The following SMU1 variants were observed in gnomAD, a reference collection of about 807,000 sequenced individuals.
SMU1 encodes SMU1 DNA replication regulator and spliceosomal factor, also known as WD40 repeat-containing protein SMU1.
A neutral mutation model predicts 62.0 loss-of-function variants in SMU1; 2 were observed. The ratio of observed to expected loss-of-function variants is 0.03; its 90% CI spans 0.01 to 0.10. The LOEUF (loss-of-function observed/expected upper bound fraction) is 0.10, where lower values mean the gene tolerates loss of function less well. Ranked by LOEUF, SMU1 falls within the 10% of genes least tolerant of loss-of-function variation. SMU1 has a pLI of 1.00. For missense variants in SMU1, 227 were observed against 622.1 expected, an observed-to-expected ratio of 0.36 and a Z score of 6.76; for synonymous variants, 188 against 212.4, an observed-to-expected ratio of 0.89 and a Z score of 1.00.
intron 9 of SMU1, among the ~76,000 whole-genome samples, chr9:33,055,449 A>C (rs1337468388): frequency 2.6e-5 from 4 of 151,968 alleles, no homozygotes; most frequent in Non-Finnish European, 5.9e-5. Context: ...CACTCATATA[A>C]GACAATTCAA....
At chr9:33,053,040 T>C (rs1258048801) in intron 10 of SMU1, 83 bp downstream of exon 10, 15 of 1,312,046 alleles carry the variant, frequency 1.1e-5, no homozygotes, top group Non-Finnish European at 1.5e-5. Context: ...AATTTGGTTA[T>C]TGGGAGGGTG....
Position 33,046,242 on chromosome 9 carries a change from G to C in SMU1, c.*1051C>G, listed in dbSNP as rs1193286383. On this transcript the variant is annotated 3_prime_UTR_variant, in exon 12 of 12. Coordinates refer to ENST00000397149, the MANE Select transcript of SMU1 (RefSeq NM_018225.3). Reference sequence around the variant, plus strand: ...CAAACCTTCTCCTACAACATACAAAGGGGAGATGCCAAAACTCTGAATTCT... The same window carrying C: ...CAAACCTTCTCCTACAACATACAAACGGGAGATGCCAAAACTCTGAATTCT... 1 of 152,146 alleles carries C rather than the reference G, an allele frequency of 6.6e-6. No individual in the cohort carries two copies. Among genetic ancestry groups the C allele is most frequent in the Non-Finnish European group, 1.5e-5 (1 of 68,028 alleles). 9.4% of individuals were successfully genotyped at this position (152,146 alleles called of 1,614,324 possible).
intron 10 of SMU1, among the ~76,000 whole-genome samples, chr9:33,050,524 C>CT (rs904909388): frequency 7.7e-6 from 1 of 130,250 alleles, no homozygotes; most frequent in Non-Finnish European, 1.6e-5. Flanking sequence ...TTATTAAGCA[C>CT]TTAAAAAAAA....
In SMU1 at chr9:33,076,639, T is replaced by G. The variant is rs1165566623; in HGVS notation, c.-31A>C. On this transcript the variant is annotated 5_prime_UTR_variant, in exon 1 of 12. Coordinates refer to ENST00000397149, the MANE Select transcript of SMU1 (RefSeq NM_018225.3). ...TATCTCTCCGGGAGCAGGCCCCAGC[T>G]CTCCCTCAAGGCCAGTCGCGCAACA... 4 of 1,613,464 alleles carry G rather than the reference T, an allele frequency of 2.5e-6. No homozygotes were observed. The African/African-American group carries it at 4.0e-5, about 16-fold the overall frequency.
At chr9:33,060,375 T>G (rs759384469) in intron 6 of SMU1, 90 bp downstream of exon 6, 96 of 1,165,018 alleles carry the variant, frequency 8.2e-5, no homozygotes, top group Non-Finnish European at 1.1e-4. Context: ...CAGATCCTTT[T>G]TCAACTAATC....
chr9:33,064,784 C>A (rs1347148316), intron 4 of SMU1, among the ~76,000 whole-genome samples: 1 of 151,728 alleles, frequency 6.6e-6, no homozygotes, highest in African/African-American at 2.4e-5. Flanking sequence ...ACTCTGTCAC[C>A]CAGGCTGGAG....
intron 10 of SMU1, among the ~76,000 whole-genome samples, chr9:33,049,819 T>C (rs1451845534): frequency 6.6e-6 from 1 of 151,270 alleles, no homozygotes; most frequent in East Asian, 1.9e-4. Context: ...GTGCCTGTAG[T>C]CCCAGCCACT....
Position 33,058,894 on chromosome 9 carries a change from C to A in SMU1, c.751-1180G>T, listed in dbSNP as rs1019231396. Reference sequence around the variant, plus strand: ...ATTTGTAATGTATATTATAAAACTTCATTTCCTTAAAATATAAAGAGCTCC... The same window carrying A: ...ATTTGTAATGTATATTATAAAACTTAATTTCCTTAAAATATAAAGAGCTCC... On this transcript the variant is annotated intron_variant, in intron 6 of 11. Transcript: ENST00000397149. 5.9e-4 allele frequency among the ~76,000 whole-genome samples: 90 copies of A among 152,154 alleles called. 1 individual carries two copies. Among genetic ancestry groups the A allele is most frequent in the African/African-American group, 2.0e-3 (84 of 41,528 alleles).
chr9:33,065,603 A>C (rs894011682), intron 4 of SMU1, among the ~76,000 whole-genome samples: 9 of 152,240 alleles, frequency 5.9e-5, no homozygotes, highest in Non-Finnish European at 1.3e-4. Flanking sequence ...AGGGGAAGCC[A>C]CAAGAAGCAA....
At chr9:33,069,042 G>C in intron 3 of SMU1, 108 bp from the exon 4 acceptor site, 1 of 1,401,116 alleles carries the variant, frequency 7.1e-7, no homozygotes, top group Non-Finnish European at 9.4e-7. Flanking sequence ...AATGTGAAAA[G>C]AAATTACCCA....
At position 33,046,583 on chromosome 9, in the gene SMU1, T is replaced by TAAAAAA. The variant is rs138890798; in HGVS notation, c.*704_*709dup. The TAAAAAA allele has an allele frequency of 7.6e-6, 1 of 131,310 alleles. No homozygotes were observed. The highest frequency in any genetic ancestry group is 7.8e-5 in the Admixed American group (1 of 12,746). The allele number at this position is 131,310 out of a possible 1,614,324, so 8.1% of individuals were successfully genotyped here. A position where few individuals can be genotyped will look rare whatever the true frequency, so the allele number is the denominator to read the frequency against. On this transcript the variant is annotated 3_prime_UTR_variant, in exon 12 of 12. Transcript: ENST00000397149. ...AAGGTATAAAGTTTATTAACATCTT[T>TAAAAAA]AAAAAAAAAAAAAAAAAAAAAGATG...
chr9:33,070,817 C>T (rs924660537), intron 3 of SMU1, among the ~76,000 whole-genome samples: 3 of 151,828 alleles, frequency 2.0e-5, no homozygotes, highest in African/African-American at 7.3e-5. Flanking sequence ...TTTGCAGGAA[C>T]TAAAAATTAA....
chr9:33,057,528 T>C (rs959381228), intron 7 of SMU1, 70 bp downstream of exon 7: 21 of 1,558,980 alleles, frequency 1.3e-5, no homozygotes, highest in Middle Eastern at 2.3e-4. Context: ...GAATATCATA[T>C]GTAGGACACT....
chr9:33,067,688 G>A (rs77151753), intron 4 of SMU1, among the ~76,000 whole-genome samples: 6,112 of 151,696 alleles, frequency 0.04, 189 homozygotes, highest in East Asian at 0.13. Context: ...TAGTAGAGAC[G>A]GGGTTTCACC....
chr9:33,060,978 GA>G (rs1839355341), intron 5 of SMU1, among the ~76,000 whole-genome samples: 1 of 152,214 alleles, frequency 6.6e-6, no homozygotes, highest in African/African-American at 2.4e-5. Flanking sequence ...ATCTCAGGGG[GA>G]AAAAACTCAT....
intron 10 of SMU1, among the ~76,000 whole-genome samples, chr9:33,050,526 T>TA (rs572118083): frequency 0.051 from 5,107 of 99,796 alleles, 299 homozygotes; most frequent in African/African-American, 0.16. Flanking sequence ...ATTAAGCACT[T>TA]AAAAAAAAAA....
At chr9:33,053,412 C>G in intron 9 of SMU1, 122 bp from the exon 10 acceptor site, 1 of 1,038,130 alleles carries the variant, frequency 9.6e-7, no homozygotes, top group Non-Finnish European at 1.4e-6. Context: ...AAAAAAGTTT[C>G]TTACTTGATT....
Position 33,056,889 on chromosome 9 carries a change from A to C in SMU1, c.943T>G (p.Phe315Val). ...AGGATCTGACTGCTATCCTTAGAAA[A>C]GCTTAGACAGGTGACACCCTTACTG... ...AHSKGVTCLSFSKDSSQILSA... is the reference protein window; with the variant it reads ...AHSKGVTCLSVSKDSSQILSA... Residue 315 changes from phenylalanine to valine, a missense_variant, in exon 8 of 12, where the codon TTT becomes GTT. Around this residue, in one of 5 missense-constraint regions of SMU1, gnomAD observed 98 missense variants for 195.9 expected, o/e 0.50. Transcript: ENST00000397149. The C allele has an allele frequency of 6.2e-7, 1 of 1,613,704 alleles. No homozygotes were observed. The highest frequency in any genetic ancestry group is 8.5e-7 in the Non-Finnish European group (1 of 1,179,856).
chr9:33,047,212 CAAAAA>C lies in SMU1; in HGVS notation c.*76_*80del. 2 of 644,824 alleles carry C rather than the reference CAAAAA, an allele frequency of 3.1e-6. No homozygotes were observed. Among genetic ancestry groups the C allele is most frequent in the Admixed American group, 3.9e-5 (1 of 25,960 alleles). 39.9% of individuals were successfully genotyped at this position (644,824 alleles called of 1,614,324 possible). A position where few individuals can be genotyped will look rare whatever the true frequency, so the allele number is the denominator to read the frequency against. ...CAATCTATTTGCTTAGAAAAGCTGGCAAAAAAAAAAAAAAGCACATTACATGAATA... is the reference window on the plus strand; with the variant it reads ...CAATCTATTTGCTTAGAAAAGCTGGCAAAAAAAAAGCACATTACATGAATA... On this transcript the variant is annotated 3_prime_UTR_variant, in exon 12 of 12. Coordinates refer to ENST00000397149, the MANE Select transcript of SMU1 (RefSeq NM_018225.3).
Sources: gnomAD v4.1 joint callset for allele counts (sites outside exome capture counted in the v4.1 genomes callset) on GRCh38, gnomAD v4.1.1 for gene constraint, gnomAD v4.1.1 regional missense constraint, MANE v1.5 for transcripts, NCBI Gene and HGNC (gene_info 2026-07-23, HGNC 2026-07-21) for gene names.